SENP7: variants seen among roughly 807,000 people sequenced by gnomAD.
The protein encoded by SENP7 is sentrin-specific protease 7.
SENP7 carries 64 observed loss-of-function variants against 141.2 expected under a neutral mutation model. That is an observed-to-expected ratio of 0.45 (90% CI 0.37 to 0.56). The LOEUF is 0.56. SENP7 is among the 20% of genes least tolerant of loss of function. The pLI is 0.00. For synonymous variants in SENP7, 382 were observed against 426.4 expected (o/e 0.90, Z 1.28); for missense variants, 1,025 against 1,212.2 (o/e 0.85, Z 2.29).
chr3:101,338,152 CAAAA>C (rs34227978), intron 16 of SENP7, among the ~76,000 whole-genome samples: 119 of 113,718 alleles, frequency 1.0e-3, no homozygotes, highest in African/African-American at 3.9e-3. Flanking sequence ...GACTCTGTCT[CAAAA>C]AAAAAAAAAA....
chr3:101,341,846 T>C (rs573964814), intron 14 of SENP7, 67 bp from the exon 15 acceptor site: 3 of 1,447,428 alleles, frequency 2.1e-6, no homozygotes, highest in African/African-American at 1.4e-5. Flanking sequence ...AGTCAAAACG[T>C]AGACGTGTGA....
In SENP7 at chr3:101,324,590, T is replaced by C. The variant is rs969690145; in HGVS notation, c.*1353A>G. 6.6e-6 allele frequency: 1 copy of C among 152,122 alleles called. No homozygotes were observed. Among genetic ancestry groups the C allele is most frequent in the South Asian group, 2.1e-4 (1 of 4,826 alleles). The allele number at this position is 152,122 out of a possible 1,614,324, so 9.4% of individuals were successfully genotyped here. ...ACAAATATATTTAATAATATAAAGA[T>C]AGTGCCAAAATCAACAAAAGCTAAG... On this transcript the variant is annotated 3_prime_UTR_variant, in exon 24 of 24. Transcript: ENST00000394095.
At chr3:101,375,641 A>T (rs917414409) in intron 6 of SENP7, among the ~76,000 whole-genome samples, 1 of 151,918 alleles carries the variant, frequency 6.6e-6, no homozygotes, top group African/African-American at 2.4e-5. Context: ...AATTGAAAGC[A>T]GGTACATGAA....
intron 11 of SENP7, among the ~76,000 whole-genome samples, chr3:101,354,332 G>A (rs749550053): frequency 2.6e-5 from 4 of 151,962 alleles, no homozygotes; most frequent in Non-Finnish European, 5.9e-5. Flanking sequence ...GTGTCACAGG[G>A]GTTTGTTGTA....
At chr3:101,452,978 C>T (rs182887690) in intron 4 of SENP7, among the ~76,000 whole-genome samples, 43 of 152,102 alleles carry the variant, frequency 2.8e-4, no homozygotes, top group Middle Eastern at 3.4e-3. Flanking sequence ...TGACAGAGGG[C>T]TAATATCCAG....
At chr3:101,449,746 T>C (rs1418990533) in intron 4 of SENP7, among the ~76,000 whole-genome samples, 4 of 152,114 alleles carry the variant, frequency 2.6e-5, no homozygotes, top group African/African-American at 4.8e-5. Context: ...GAACAACTGG[T>C]ACCAGCCACT....
At chr3:101,506,965 G>GT (rs1209275261) in intron 1 of SENP7, among the ~76,000 whole-genome samples, 1 of 151,528 alleles carries the variant, frequency 6.6e-6, no homozygotes, top group African/African-American at 2.4e-5. Context: ...GGAGCCTGAA[G>GT]TAGGAGGATA....
intron 4 of SENP7, among the ~76,000 whole-genome samples, chr3:101,449,341 C>A (rs2063026860): frequency 6.6e-6 from 1 of 152,076 alleles, no homozygotes; most frequent in African/African-American, 2.4e-5. Context: ...GCAAGGCAGG[C>A]CAACATTCAA....
chr3:101,415,835 T>G (rs1438335913), intron 5 of SENP7, among the ~76,000 whole-genome samples: 1 of 152,226 alleles, frequency 6.6e-6, no homozygotes, highest in Non-Finnish European at 1.5e-5. Flanking sequence ...ACCAACTTAT[T>G]ACTTGAAGTG....
At chr3:101,354,095 A>C (rs942869410) in intron 11 of SENP7, among the ~76,000 whole-genome samples, 1 of 151,836 alleles carries the variant, frequency 6.6e-6, no homozygotes, top group Non-Finnish European at 1.5e-5. Context: ...ATTTTTTTTA[A>C]TTGCTTATAT....
intron 5 of SENP7, among the ~76,000 whole-genome samples, chr3:101,400,038 T>C (rs1192597744): frequency 6.6e-6 from 1 of 152,216 alleles, no homozygotes; most frequent in Non-Finnish European, 1.5e-5. Context: ...TATAAAGAAG[T>C]ACATTTGGTA....
intron 16 of SENP7, among the ~76,000 whole-genome samples, chr3:101,339,886 T>G (rs1360312909): frequency 6.6e-6 from 1 of 152,214 alleles, no homozygotes; most frequent in Non-Finnish European, 1.5e-5. Context: ...GCAGCAACTC[T>G]TCTTAACTAT....
At chr3:101,383,360 CG>C (rs2060560693) in intron 6 of SENP7, among the ~76,000 whole-genome samples, 1 of 152,162 alleles carries the variant, frequency 6.6e-6, no homozygotes, top group African/African-American at 2.4e-5. Flanking sequence ...GAGGCACAGC[CG>C]GGACTGCAAA....
intron 17 of SENP7, 186 bp downstream of exon 17, chr3:101,337,323 C>T (rs559761466): frequency 1.6e-5 from 6 of 369,364 alleles, no homozygotes; most frequent in African/African-American, 2.1e-5. Flanking sequence ...AAGTGTCAGC[C>T]TCCCTGTCAT....
At chr3:101,466,905 G>T (rs533451072) in intron 3 of SENP7, among the ~76,000 whole-genome samples, 1 of 152,194 alleles carries the variant, frequency 6.6e-6, no homozygotes, top group Admixed American at 6.5e-5. Context: ...GAAGTGCAAG[G>T]AGTCAGGGGA....
At chr3:101,425,325 G>A (rs1470246480) in intron 4 of SENP7, among the ~76,000 whole-genome samples, 2 of 152,148 alleles carry the variant, frequency 1.3e-5, no homozygotes, top group African/African-American at 2.4e-5. Context: ...TAACCTTGAG[G>A]TAACAGAGAA....
chr3:101,383,617 C>G (rs2060568861), intron 6 of SENP7, among the ~76,000 whole-genome samples: 1 of 152,230 alleles, frequency 6.6e-6, no homozygotes, highest in Non-Finnish European at 1.5e-5. Flanking sequence ...AAAGTTGAGG[C>G]CAAGGCGAGG....
chr3:101,391,525 A>C (rs543288707), intron 6 of SENP7, among the ~76,000 whole-genome samples: 19 of 152,170 alleles, frequency 1.2e-4, no homozygotes, highest in Non-Finnish European at 2.6e-4. Context: ...TACAACCTAC[A>C]AGATTGAATC....
In SENP7 at chr3:101,513,088, C is replaced by A; in HGVS notation, c.40+3G>T. 1 of 1,613,926 alleles carries A rather than the reference C, an allele frequency of 6.2e-7. No homozygotes were observed. Among genetic ancestry groups the A allele is most frequent in the Non-Finnish European group, 8.5e-7 (1 of 1,179,934 alleles). Reference sequence around the variant, plus strand: ...GTTCAGCCCTTCTCTGACCCTTTCTCACCGGATGAAGATGGCCGTCGCCCG... The same window carrying A: ...GTTCAGCCCTTCTCTGACCCTTTCTAACCGGATGAAGATGGCCGTCGCCCG... On this transcript the variant is annotated splice_donor_region_variant and intron_variant, in intron 1 of 23. Transcript: ENST00000394095.
Sources: gnomAD v4.1 joint callset for allele counts (sites outside exome capture counted in the v4.1 genomes callset) on GRCh38, gnomAD v4.1.1 for gene constraint, MANE v1.5 for transcripts, NCBI Gene and HGNC (gene_info 2026-07-23, HGNC 2026-07-21) for gene names.